Variants in NMRK1 observed in about 807,000 individuals in gnomAD.
NMRK1 encodes NRK 1.
NMRK1 carries 28 observed loss-of-function variants against 29.9 expected under a neutral mutation model. That is an observed-to-expected ratio of 0.94 (90% confidence interval 0.69 to 1.28). The LOEUF (loss-of-function observed/expected upper bound fraction) is 1.28, where lower values mean the gene tolerates loss of function less well. Among genes scored for constraint, NMRK1 ranks in the 50% most tolerant of loss-of-function variants. The probability of loss-of-function intolerance (pLI) is 0.00; values close to 1 mark genes in which losing one functional copy is unlikely to be tolerated. For synonymous variants in NMRK1, 58 were observed against 73.0 expected (o/e 0.79, Z 1.05); for missense variants, 218 against 233.1 (o/e 0.94, Z 0.42).
chr9:75,066,289 A>C (rs1234854380), intron 8 of NMRK1: 1 of 518,436 alleles, frequency 1.9e-6, no homozygotes, highest in Admixed American at 1.9e-5. Flanking sequence ...AGTGCCGTCC[A>C]ATATGAAAAC....
intron 2 of NMRK1, among the ~76,000 whole-genome samples, chr9:75,077,796 C>T (rs149829652): frequency 0.026 from 3,986 of 152,060 alleles, 182 homozygotes; most frequent in African/African-American, 0.09. Flanking sequence ...CCACCATGCC[C>T]GGCTAATTTC....
At chr9:75,074,735 C>A (rs1823895856) in intron 4 of NMRK1, among the ~76,000 whole-genome samples, 1 of 152,196 alleles carries the variant, frequency 6.6e-6, no homozygotes, top group African/African-American at 2.4e-5. Context: ...TATTAATCAA[C>A]TATATTCCAT....
chr9:75,084,255 T>A (rs1202124217), intron 1 of NMRK1, among the ~76,000 whole-genome samples: 1 of 152,178 alleles, frequency 6.6e-6, no homozygotes, highest in Non-Finnish European at 1.5e-5. Context: ...ACCTAGGCCG[T>A]GTAGCCAGGG....
intron 4 of NMRK1, among the ~76,000 whole-genome samples, chr9:75,070,584 T>C (rs1302757802): frequency 2.0e-5 from 3 of 152,188 alleles, no homozygotes; most frequent in Non-Finnish European, 4.4e-5. Context: ...CTCGAGTTAA[T>C]TGTGATTTTA....
intron 2 of NMRK1, among the ~76,000 whole-genome samples, chr9:75,080,877 C>T (rs1406839508): frequency 1.3e-5 from 2 of 152,200 alleles, no homozygotes; most frequent in Non-Finnish European, 2.9e-5. Context: ...CATCTTCCAC[C>T]ATGACTGTAA....
At chr9:75,062,184 T>C (rs1317459724) in intron 8 of NMRK1, among the ~76,000 whole-genome samples, 1 of 152,178 alleles carries the variant, frequency 6.6e-6, no homozygotes, top group Non-Finnish European at 1.5e-5. Flanking sequence ...GGTGTAGATA[T>C]TTTTTATGGC....
Position 75,061,197 on chromosome 9 carries a change from A to T in NMRK1, c.*351T>A, listed in dbSNP as rs1587342878. ...TAAACATACACAATGAATTCCACAG[A>T]TATTGGATTGTGATGTAATCTTTAT... is the stretch of plus-strand genomic sequence containing the variant. On this transcript the variant is annotated 3_prime_UTR_variant, in exon 9 of 9. Transcript: ENST00000361092. 4 of 254,204 alleles carry T rather than the reference A, an allele frequency of 1.6e-5. 1 individual carries two copies. Among genetic ancestry groups the T allele is most frequent in the African/African-American group, 8.9e-5 (4 of 45,028 alleles). The allele number at this position is 254,204 out of a possible 1,614,324, so 15.7% of individuals were successfully genotyped here.
chr9:75,078,592 T>C (rs1824145139), intron 2 of NMRK1: 1 of 1,241,244 alleles, frequency 8.1e-7, no homozygotes, highest in South Asian at 3.6e-5. Flanking sequence ...TCTGTGAACA[T>C]AAGTCAGGGC....
At chr9:75,063,860 A>G (rs1434496061) in intron 8 of NMRK1, among the ~76,000 whole-genome samples, 1 of 152,238 alleles carries the variant, frequency 6.6e-6, no homozygotes, top group African/African-American at 2.4e-5. Flanking sequence ...GTGATAGGTT[A>G]CTAGAAATAA....
At chr9:75,069,154 A>G in intron 6 of NMRK1, 52 bp from the exon 7 acceptor site, 1 of 1,259,570 alleles carries the variant, frequency 7.9e-7, no homozygotes, top group South Asian at 1.2e-5. Context: ...CAATTGATAA[A>G]GTAAAATATG....
rs763445401 is a variant in NMRK1, at chr9:75,066,851, G to A, written c.497-11C>T. The A allele has an allele frequency of 1.3e-6, 2 of 1,506,080 alleles. No individual in the cohort carries two copies. The highest frequency in any genetic ancestry group is 9.2e-7 in the Non-Finnish European group (1 of 1,088,554). The allele number at this position is 1,506,080 out of a possible 1,614,324, so 93.3% of individuals were successfully genotyped here. Reference sequence around the variant, plus strand: ...TTCCATCCAGGTACACTACGAAGGGGAAAAGAGAGCAGTTCAAATGCTAAC... The same window carrying A: ...TTCCATCCAGGTACACTACGAAGGGAAAAAGAGAGCAGTTCAAATGCTAAC... On this transcript the variant is annotated splice_polypyrimidine_tract_variant and intron_variant, in intron 7 of 8. Coordinates refer to ENST00000361092, the MANE Select transcript of NMRK1 (RefSeq NM_017881.3).
At chr9:75,075,468 C>T (rs1206664554) in intron 4 of NMRK1, among the ~76,000 whole-genome samples, 1 of 152,136 alleles carries the variant, frequency 6.6e-6, no homozygotes, top group Non-Finnish European at 1.5e-5. Flanking sequence ...AACACTTTTC[C>T]TAAAAGGTTA....
chr9:75,081,119 T>C (rs541786106), intron 2 of NMRK1, among the ~76,000 whole-genome samples: 26 of 152,358 alleles, frequency 1.7e-4, no homozygotes, highest in African/African-American at 6.0e-4. Context: ...CCCCTGTTAT[T>C]TGCAATTGAA....
intron 7 of NMRK1, among the ~76,000 whole-genome samples, chr9:75,068,418 T>C (rs1823492986): frequency 6.6e-6 from 1 of 152,202 alleles, no homozygotes; most frequent in Non-Finnish European, 1.5e-5. Context: ...TTTTCTTTAC[T>C]AGAAAGCTTT....
intron 2 of NMRK1, among the ~76,000 whole-genome samples, chr9:75,082,155 C>G (rs553521096): frequency 1.3e-5 from 2 of 152,234 alleles, no homozygotes; most frequent in African/African-American, 4.8e-5. Context: ...GAAGATTAAA[C>G]TGATAGAGGT....
At chr9:75,083,278 G>C (rs577521738) in intron 1 of NMRK1, 128 bp from the exon 2 acceptor site, 1 of 628,242 alleles carries the variant, frequency 1.6e-6, no homozygotes, top group East Asian at 2.8e-5. Context: ...GCCCAGCCCC[G>C]CATTATCCAC....
At chr9:75,082,788 A>T (rs1406993956) in intron 2 of NMRK1, 1 of 399,802 alleles carries the variant, frequency 2.5e-6, no homozygotes, top group Non-Finnish European at 4.5e-6. Context: ...GGAATGATAA[A>T]TCATCCTGAA....
At chr9:75,077,279 A>G (rs987493112) in intron 3 of NMRK1, 72 bp from the exon 4 acceptor site, 8 of 1,087,348 alleles carry the variant, frequency 7.4e-6, no homozygotes, top group Admixed American at 2.1e-5. Flanking sequence ...ACTAAAAAGG[A>G]GAGAAGTCTT....
At chr9:75,062,958 A>C (rs1027896766) in intron 8 of NMRK1, among the ~76,000 whole-genome samples, 2 of 152,092 alleles carry the variant, frequency 1.3e-5, no homozygotes, top group Non-Finnish European at 2.9e-5. Context: ...CTGAACCCAG[A>C]AGGTGGAGGT....
Sources: gnomAD v4.1 joint callset for allele counts (sites outside exome capture counted in the v4.1 genomes callset) on GRCh38, gnomAD v4.1.1 for gene constraint, MANE v1.5 for transcripts, NCBI Gene and HGNC (gene_info 2026-07-23, HGNC 2026-07-21) for gene names.